Variants in PARD3 observed in about 807,000 individuals in gnomAD.
PARD3 encodes par-3 family cell polarity regulator, also known as partitioning defective 3 homolog.
A neutral mutation model predicts 155.4 loss-of-function variants in PARD3; 75 were observed. The observed-to-expected ratio is 0.48, with a 90% confidence interval of 0.40 to 0.58. The LOEUF is 0.58. PARD3 is among the 20% of genes least tolerant of loss of function. The pLI, the probability that PARD3 is intolerant of heterozygous loss-of-function variation, is 0.00. For missense variants in PARD3, 1,642 were observed against 1,721.7 expected, an observed-to-expected ratio of 0.95 and a Z score of 0.82; for synonymous variants, 576 against 610.5, an observed-to-expected ratio of 0.94 and a Z score of 0.83.
intron 2 of PARD3, among the ~76,000 whole-genome samples, chr10:34,606,046 CTA>C (rs1171491275): frequency 1.6e-4 from 21 of 135,078 alleles, no homozygotes; most frequent in African/African-American, 2.5e-4. Flanking sequence ...TATATATCTT[CTA>C]TATATATATA....
chr10:34,612,069 G>A (rs1446343898), intron 2 of PARD3, among the ~76,000 whole-genome samples: 2 of 151,744 alleles, frequency 1.3e-5, no homozygotes, highest in South Asian at 2.1e-4. Context: ...CTCGTGATCC[G>A]CCCGCCTCGG....
chr10:34,739,259 T>C (rs2094966421), intron 1 of PARD3, among the ~76,000 whole-genome samples: 1 of 152,200 alleles, frequency 6.6e-6, no homozygotes, highest in Non-Finnish European at 1.5e-5. Flanking sequence ...GACAAATGCA[T>C]CACAGTGATG....
At chr10:34,310,492 C>T (rs1212081133) in intron 20 of PARD3, among the ~76,000 whole-genome samples, 3 of 152,158 alleles carry the variant, frequency 2.0e-5, no homozygotes, top group African/African-American at 7.2e-5. Flanking sequence ...TCCTTGACAC[C>T]TGCATTCTAT....
intron 19 of PARD3, among the ~76,000 whole-genome samples, chr10:34,318,002 A>T (rs1420622011): frequency 1.3e-5 from 2 of 152,232 alleles, no homozygotes; most frequent in Non-Finnish European, 2.9e-5. Context: ...TATCTGCATC[A>T]TGGCGGCTGA....
intron 22 of PARD3, among the ~76,000 whole-genome samples, chr10:34,200,447 G>C (rs181631600): frequency 6.6e-6 from 1 of 151,960 alleles, no homozygotes; most frequent in African/African-American, 2.4e-5. Context: ...CCGCAGGAGA[G>C]GCAAGAAATG....
At chr10:34,497,573 T>A (rs1234532641) in intron 3 of PARD3, among the ~76,000 whole-genome samples, 1 of 152,186 alleles carries the variant, frequency 6.6e-6, no homozygotes, top group African/African-American at 2.4e-5. Context: ...ACCATAATAA[T>A]TTCTACAATA....
chr10:34,436,325 T>C (rs1235882413), intron 5 of PARD3, among the ~76,000 whole-genome samples: 3 of 152,232 alleles, frequency 2.0e-5, no homozygotes, highest in African/African-American at 4.8e-5. Flanking sequence ...GGAAGCCCAC[T>C]TGCAGCCTGT....
chr10:34,131,233 TA>T (rs915239537), intron 23 of PARD3, among the ~76,000 whole-genome samples: 5 of 152,204 alleles, frequency 3.3e-5, no homozygotes, highest in African/African-American at 1.2e-4. Flanking sequence ...TGTCTTGTCA[TA>T]AGGCTAGTGA....
At chr10:34,289,010 G>A (rs2133958269) in intron 20 of PARD3, among the ~76,000 whole-genome samples, 1 of 152,250 alleles carries the variant, frequency 6.6e-6, no homozygotes, top group South Asian at 2.1e-4. Context: ...CACCCGGGCT[G>A]GAGTGCAGTG....
chr10:34,321,260 A>G (rs780500636), intron 19 of PARD3, among the ~76,000 whole-genome samples: 7 of 152,244 alleles, frequency 4.6e-5, no homozygotes, highest in African/African-American at 7.2e-5. Context: ...TAAGAAAAGT[A>G]CTAGTAATAT....
At chr10:34,679,243 G>T (rs74132091) in intron 2 of PARD3, among the ~76,000 whole-genome samples, 1 of 152,176 alleles carries the variant, frequency 6.6e-6, no homozygotes, top group African/African-American at 2.4e-5. Flanking sequence ...GCATCCGGCA[G>T]TGTGGACTCC....
chr10:34,405,343 C>A (rs1844347975), intron 5 of PARD3, among the ~76,000 whole-genome samples: 1 of 152,006 alleles, frequency 6.6e-6, no homozygotes. Context: ...TACATGTATT[C>A]ATCTATTCAT....
At chr10:34,206,064 TA>T (rs1384173276) in intron 22 of PARD3, among the ~76,000 whole-genome samples, 1 of 152,106 alleles carries the variant, frequency 6.6e-6, no homozygotes, top group Non-Finnish European at 1.5e-5. Context: ...ATGGATCATT[TA>T]AAAAACCCTT....
At chr10:34,713,253 T>C (rs2094472954) in intron 1 of PARD3, among the ~76,000 whole-genome samples, 1 of 151,864 alleles carries the variant, frequency 6.6e-6, no homozygotes, top group Non-Finnish European at 1.5e-5. Flanking sequence ...AAATTATTTT[T>C]AAAAATAAAA....
At chr10:34,783,121 T>A (rs941128063) in intron 1 of PARD3, among the ~76,000 whole-genome samples, 37 of 152,148 alleles carry the variant, frequency 2.4e-4, no homozygotes, top group Non-Finnish European at 2.6e-4. Context: ...ATTTACTTAA[T>A]CCAAGGGACA....
intron 5 of PARD3, among the ~76,000 whole-genome samples, chr10:34,443,830 T>C (rs914335429): frequency 1.3e-5 from 2 of 152,042 alleles, no homozygotes; most frequent in African/African-American, 4.8e-5. Flanking sequence ...CTGCAGAAAG[T>C]GACAAAGGTA....
chr10:34,426,745 A>G (rs566257604), intron 5 of PARD3: 1 of 152,324 alleles, frequency 6.6e-6, no homozygotes, highest in Admixed American at 6.5e-5. Flanking sequence ...AGTCACAACC[A>G]GAAAAGGAAG....
chr10:34,636,833 G>A (rs879662486), intron 2 of PARD3, among the ~76,000 whole-genome samples: 15 of 152,144 alleles, frequency 9.9e-5, no homozygotes, highest in East Asian at 1.9e-4. Context: ...AGCAATGCAC[G>A]GCTTATAAAA....
intron 18 of PARD3, among the ~76,000 whole-genome samples, chr10:34,332,932 C>T (rs973265964): frequency 1.3e-5 from 2 of 151,998 alleles, no homozygotes; most frequent in African/African-American, 2.4e-5. Context: ...CAAAAACCTA[C>T]ATAATAAGAA....
Sources: allele counts gnomAD v4.1 joint callset (sites outside exome capture counted in the v4.1 genomes callset), GRCh38; gene constraint gnomAD v4.1.1; transcripts MANE v1.5; gene names NCBI Gene and HGNC (gene_info 2026-07-23, HGNC 2026-07-21).